Variants in SNX29 observed in about 807,000 individuals in gnomAD.
SNX29 encodes sorting nexin 29.
A neutral mutation model predicts 102.1 loss-of-function variants in SNX29; 78 were observed. That is an observed-to-expected ratio of 0.76 (90% CI 0.64 to 0.92). The LOEUF (loss-of-function observed/expected upper bound fraction) is 0.92, where lower values mean the gene tolerates loss of function less well. Among genes scored for constraint, SNX29 ranks in the 40% least tolerant of loss-of-function variants. The pLI is 0.00. For synonymous variants in SNX29, 580 were observed against 414.5 expected (o/e 1.40, Z -4.85); for missense variants, 1,280 against 1,061.7 (o/e 1.21, Z -2.86).
At chr16:12,255,389 G>A (rs1439825922) in intron 14 of SNX29, among the ~76,000 whole-genome samples, 1 of 151,710 alleles carries the variant, frequency 6.6e-6, no homozygotes, top group Non-Finnish European at 1.5e-5. Flanking sequence ...ACAGGGTTTC[G>A]CCATATTAAC....
chr16:12,268,671 A>G (rs1465073995), intron 14 of SNX29, among the ~76,000 whole-genome samples: 3 of 152,156 alleles, frequency 2.0e-5, no homozygotes, highest in South Asian at 2.1e-4. Flanking sequence ...ACCTCATTTT[A>G]TGCATTTGAA....
rs561910461 is a variant in SNX29 at position 12,424,461 on chromosome 16, G to C, written c.2037+20932G>C. ...GGAGATGATAATATTCTGTCTTAGG[G>C]CCCTTCCTTGGGCGACTAGAACCAT... On this transcript the variant is annotated intron_variant, in intron 18 of 20. Transcript: ENST00000566228. 3.4e-4 allele frequency among the ~76,000 whole-genome samples: 51 copies of C among 152,218 alleles called. No individual in the cohort carries two copies. The South Asian group carries it at 4.6e-3, about 14-fold the overall frequency.
intron 11 of SNX29, among the ~76,000 whole-genome samples, chr16:12,108,107 T>C (rs1040721130): frequency 6.6e-6 from 1 of 152,234 alleles, no homozygotes; most frequent in Non-Finnish European, 1.5e-5. Flanking sequence ...ATAATTATGC[T>C]ACCCGAGCTG....
chr16:12,225,336 A>G (rs983669928), intron 14 of SNX29, among the ~76,000 whole-genome samples: 2 of 152,050 alleles, frequency 1.3e-5, no homozygotes, highest in Admixed American at 1.3e-4. Flanking sequence ...TGTAACTCCC[A>G]CAAGTCCCAC....
intron 16 of SNX29, among the ~76,000 whole-genome samples, chr16:12,386,958 G>A (rs2083362871): frequency 6.6e-6 from 1 of 151,978 alleles, no homozygotes; most frequent in Admixed American, 6.6e-5. Context: ...AACCTCATCT[G>A]TACTAAAAAT....
chr16:12,190,414 A>G (rs2076613432), intron 13 of SNX29, among the ~76,000 whole-genome samples: 1 of 152,198 alleles, frequency 6.6e-6, no homozygotes, highest in South Asian at 2.1e-4. Context: ...GTATTAAAGT[A>G]TGAGACTTGT....
At chr16:12,540,825 A>G (rs2077300501) in intron 20 of SNX29, among the ~76,000 whole-genome samples, 1 of 152,170 alleles carries the variant, frequency 6.6e-6, no homozygotes, top group African/African-American at 2.4e-5. Flanking sequence ...GAAGGGGCAA[A>G]AAGAAACAAG....
chr16:12,150,593 C>G (rs569014729), intron 13 of SNX29, among the ~76,000 whole-genome samples: 1 of 152,318 alleles, frequency 6.6e-6, no homozygotes, highest in South Asian at 2.1e-4. Context: ...AGCCCTGTGG[C>G]AGGTAATTGT....
chr16:12,395,011 C>T (rs531778821), intron 16 of SNX29, among the ~76,000 whole-genome samples: 4 of 152,246 alleles, frequency 2.6e-5, no homozygotes, highest in African/African-American at 9.6e-5. Context: ...ACCGCCTTAC[C>T]TGGGGGTGTG....
At chr16:12,008,102 C>T (rs1340028538) in intron 3 of SNX29, among the ~76,000 whole-genome samples, 1 of 152,108 alleles carries the variant, frequency 6.6e-6, no homozygotes, top group African/African-American at 2.4e-5. Context: ...CGCCACCATG[C>T]CCAGCTAATT....
intron 11 of SNX29, among the ~76,000 whole-genome samples, chr16:12,105,332 C>T (rs954629243): frequency 6.6e-6 from 1 of 151,104 alleles, no homozygotes; most frequent in Non-Finnish European, 1.5e-5. Context: ...TCAAGCGATT[C>T]TTGTGCCTCA....
chr16:12,385,127 C>T (rs1043952470), intron 16 of SNX29, among the ~76,000 whole-genome samples: 9 of 152,266 alleles, frequency 5.9e-5, no homozygotes, highest in Admixed American at 1.3e-4. Flanking sequence ...CCTGAGATCG[C>T]GCCACTGCAC....
At chr16:12,528,668 A>G (rs900365859) in intron 20 of SNX29, among the ~76,000 whole-genome samples, 1 of 152,140 alleles carries the variant, frequency 6.6e-6, no homozygotes, top group Non-Finnish European at 1.5e-5. Context: ...TGGGTGGATC[A>G]CCTGCCTGCA....
chr16:12,506,915 C>T (rs1165281312), intron 19 of SNX29, among the ~76,000 whole-genome samples: 1 of 151,060 alleles, frequency 6.6e-6, no homozygotes, highest in African/African-American at 2.4e-5. Context: ...GTTTTCCGAT[C>T]ACCACTCATT....
intron 13 of SNX29, among the ~76,000 whole-genome samples, chr16:12,139,755 G>A (rs1041699724): frequency 1.2e-4 from 19 of 152,056 alleles, no homozygotes; most frequent in African/African-American, 4.1e-4. Flanking sequence ...GGGAGGCCAA[G>A]GTGGGCAGAT....
chr16:12,069,798 C>G (rs2051207757), intron 10 of SNX29, among the ~76,000 whole-genome samples: 1 of 152,202 alleles, frequency 6.6e-6, no homozygotes, highest in Non-Finnish European at 1.5e-5. Flanking sequence ...TCACGCCATT[C>G]TCCTGCCTCA....
chr16:12,418,608 G>A (rs756057994), intron 18 of SNX29, among the ~76,000 whole-genome samples: 74 of 151,882 alleles, frequency 4.9e-4, no homozygotes, highest in Middle Eastern at 6.8e-3. Context: ...TCCACCTCCC[G>A]GATTCAAGTG....
intron 18 of SNX29, among the ~76,000 whole-genome samples, chr16:12,414,736 T>C (rs1338687287): frequency 2.6e-5 from 4 of 152,144 alleles, no homozygotes; most frequent in African/African-American, 9.7e-5. Flanking sequence ...TATGTATGTA[T>C]GTATTTAGAG....
At chr16:12,448,809 A>G (rs534452279) in intron 18 of SNX29, among the ~76,000 whole-genome samples, 1 of 152,194 alleles carries the variant, frequency 6.6e-6, no homozygotes, top group African/African-American at 2.4e-5. Context: ...GATCAGGTGC[A>G]TCAAACTGCC....
Sources: gnomAD v4.1 joint callset for allele counts (sites outside exome capture counted in the v4.1 genomes callset) on GRCh38, gnomAD v4.1.1 for gene constraint, MANE v1.5 for transcripts, NCBI Gene and HGNC (gene_info 2026-07-23, HGNC 2026-07-21) for gene names.